SGCZ: variants seen among roughly 807,000 people sequenced by gnomAD.
SGCZ encodes zeta-sarcoglycan.
Under a neutral mutation model 41.3 loss-of-function variants are expected in SGCZ, and 40 were observed. The observed-to-expected ratio is 0.97, with a 90% CI of 0.75 to 1.26. The LOEUF (loss-of-function observed/expected upper bound fraction) is 1.26. Among genes scored for constraint, SGCZ ranks in the 50% most tolerant of loss-of-function variants. The pLI is 0.00. For missense variants in SGCZ, 552 were observed against 369.8 expected, an observed-to-expected ratio of 1.49 and a Z score of -4.04; for synonymous variants, 206 against 137.5, an observed-to-expected ratio of 1.50 and a Z score of -3.49.
chr8:14,684,994 G>T (rs957791565), intron 1 of SGCZ, among the ~76,000 whole-genome samples: 2 of 152,098 alleles, frequency 1.3e-5, no homozygotes, highest in Non-Finnish European at 2.9e-5. Context: ...ATATTGGCAT[G>T]TATAATAAAT....
At chr8:14,381,939 A>T (rs1183719156) in intron 2 of SGCZ, among the ~76,000 whole-genome samples, 1 of 152,208 alleles carries the variant, frequency 6.6e-6, no homozygotes, top group Non-Finnish European at 1.5e-5. Context: ...ATACTTCACC[A>T]GCCTTCTCAG....
chr8:14,837,914 GT>G lies in SGCZ; in HGVS notation c.40-282989del, dbSNP rs1459097848. 3.3e-5 allele frequency among the ~76,000 whole-genome samples: 5 copies of G among 152,042 alleles called. 1 individual carries two copies. Among genetic ancestry groups the G allele is most frequent in the Admixed American group, 6.5e-5 (1 of 15,270 alleles). ...CACCTCAAGCATTTACTGTTTCCTT[GT>G]GTTAGAAACATTCCAATTCCACTCT... On this transcript the variant is annotated intron_variant, in intron 1 of 7. Transcript: ENST00000382080.
At chr8:14,613,309 T>C (rs1805989839) in intron 1 of SGCZ, among the ~76,000 whole-genome samples, 1 of 152,220 alleles carries the variant, frequency 6.6e-6, no homozygotes, top group Admixed American at 6.5e-5. Context: ...TTATTTTGAT[T>C]TTATTGAACT....
intron 4 of SGCZ, among the ~76,000 whole-genome samples, chr8:14,189,203 G>C (rs374176323): frequency 1.1e-4 from 17 of 151,860 alleles, no homozygotes; most frequent in African/African-American, 2.9e-4. Flanking sequence ...CTATAATCTG[G>C]GCTGCTGAAA....
At chr8:14,989,102 C>T (rs549101719) in intron 1 of SGCZ, among the ~76,000 whole-genome samples, 10 of 152,114 alleles carry the variant, frequency 6.6e-5, no homozygotes, top group South Asian at 2.1e-4. Flanking sequence ...AAAAAACCTC[C>T]CAGGACAGTA....
In SGCZ at chr8:14,984,473, A is replaced by AT. The variant is rs1001922259; in HGVS notation, c.39+253111dup. Among the ~76,000 whole-genome samples the AT allele has an allele frequency of 8.6e-5, 13 of 151,958 alleles. No homozygotes were observed. In the South Asian group the frequency reaches 1.2e-3, roughly 15 times the overall value. ...CTCTTAAATCTCCTTTAATCTATAGATTTTTTTTCCTCTCTATTTCTTATC... is the reference window on the plus strand; with the variant it reads ...CTCTTAAATCTCCTTTAATCTATAGATTTTTTTTTCCTCTCTATTTCTTATC... On this transcript the variant is annotated intron_variant, in intron 1 of 7. Transcript: ENST00000382080.
chr8:14,283,023 G>C (rs1800502676), intron 3 of SGCZ, among the ~76,000 whole-genome samples: 1 of 150,270 alleles, frequency 6.7e-6, no homozygotes, highest in African/African-American at 2.5e-5. Context: ...CTAATTTTTT[G>C]TATTTTTAGT....
chr8:15,105,075 C>A (rs1189933412), intron 1 of SGCZ, among the ~76,000 whole-genome samples: 1 of 152,078 alleles, frequency 6.6e-6, no homozygotes, highest in Non-Finnish European at 1.5e-5. Context: ...TTTGCTAACC[C>A]AATAAATTGG....
chr8:14,536,004 T>A (rs1236321759), intron 2 of SGCZ, among the ~76,000 whole-genome samples: 1 of 151,798 alleles, frequency 6.6e-6, no homozygotes, highest in East Asian at 1.9e-4. Flanking sequence ...TAAGCTTAGG[T>A]GGTAAATGAG....
chr8:14,450,564 T>C (rs1020437811), intron 2 of SGCZ, among the ~76,000 whole-genome samples: 34 of 152,150 alleles, frequency 2.2e-4, no homozygotes, highest in Non-Finnish European at 7.3e-5. Flanking sequence ...GTTAAATGTA[T>C]CATCTGGAAA....
intron 1 of SGCZ, among the ~76,000 whole-genome samples, chr8:15,001,634 G>C (rs1313003177): frequency 6.6e-6 from 1 of 150,830 alleles, no homozygotes; most frequent in African/African-American, 2.4e-5. Flanking sequence ...GAGGCTGAGG[G>C]AGGAGAATGG....
At chr8:14,369,587 T>C (rs905408591) in intron 2 of SGCZ, among the ~76,000 whole-genome samples, 3 of 152,016 alleles carry the variant, frequency 2.0e-5, no homozygotes, top group Non-Finnish European at 4.4e-5. Context: ...AAGTATTTTA[T>C]GGAAAAGTCG....
intron 1 of SGCZ, among the ~76,000 whole-genome samples, chr8:15,103,008 T>C (rs967118930): frequency 2.0e-5 from 3 of 152,144 alleles, no homozygotes; most frequent in Non-Finnish European, 2.9e-5. Flanking sequence ...CATAACAATA[T>C]AATGTAATAT....
chr8:14,641,229 C>A (rs1186400319), intron 1 of SGCZ, among the ~76,000 whole-genome samples: 2 of 151,676 alleles, frequency 1.3e-5, no homozygotes, highest in Non-Finnish European at 3.0e-5. Flanking sequence ...TAGTCTATTA[C>A]AGCTTTACTT....
intron 1 of SGCZ, among the ~76,000 whole-genome samples, chr8:15,028,266 T>C (rs1803525985): frequency 6.6e-6 from 1 of 152,144 alleles, no homozygotes; most frequent in African/African-American, 2.4e-5. Context: ...TCCGTAGCTT[T>C]CGTGAAGGCT....
intron 3 of SGCZ, among the ~76,000 whole-genome samples, chr8:14,303,967 G>A (rs1464435208): frequency 6.6e-6 from 1 of 151,824 alleles, no homozygotes; most frequent in South Asian, 2.1e-4. Flanking sequence ...GGCCAAGCTG[G>A]CCTCGAACTC....
intron 3 of SGCZ, among the ~76,000 whole-genome samples, chr8:14,283,202 T>C (rs1436404034): frequency 6.6e-6 from 1 of 152,104 alleles, no homozygotes; most frequent in Non-Finnish European, 1.5e-5. Flanking sequence ...ATTAAAAAAA[T>C]ACCAATCTTA....
At chr8:15,196,044 C>T (rs1800719018) in intron 1 of SGCZ, among the ~76,000 whole-genome samples, 1 of 146,988 alleles carries the variant, frequency 6.8e-6, no homozygotes, top group Non-Finnish European at 1.5e-5. Context: ...ACTACAGGCG[C>T]CCGCTACCAC....
At chr8:14,200,004 T>G (rs577365967) in intron 4 of SGCZ, among the ~76,000 whole-genome samples, 43 of 152,146 alleles carry the variant, frequency 2.8e-4, no homozygotes, top group Non-Finnish European at 5.6e-4. Context: ...ACATTAAATT[T>G]TGGGGTTGAC....
Sources: gnomAD v4.1 joint callset for allele counts (sites outside exome capture counted in the v4.1 genomes callset) on GRCh38, gnomAD v4.1.1 for gene constraint, MANE v1.5 for transcripts, NCBI Gene and HGNC (gene_info 2026-07-23, HGNC 2026-07-21) for gene names.